MYO3B: variants seen among roughly 807,000 people sequenced by gnomAD.
MYO3B encodes the protein myosin-IIIb.
MYO3B carries 156 observed loss-of-function variants against 174.6 expected under a neutral mutation model. That is an observed-to-expected ratio of 0.89 (90% CI 0.78 to 1.02). The LOEUF is 1.02. Among genes scored for constraint, MYO3B ranks in the 50% least tolerant of loss-of-function variants. The pLI, the probability that MYO3B is intolerant of heterozygous loss-of-function variation, is 0.00. For missense variants in MYO3B, 1,632 were observed against 1,639.4 expected (o/e 1.00, Z 0.08); for synonymous variants, 563 against 569.1 (o/e 0.99, Z 0.15).
intron 25 of MYO3B, among the ~76,000 whole-genome samples, chr2:170,496,848 G>A (rs1028182791): frequency 7.9e-5 from 12 of 151,802 alleles, no homozygotes; most frequent in African/African-American, 2.9e-4. Flanking sequence ...GGCTGGTCTC[G>A]AACTCTTGGG....
chr2:170,495,153 CT>C (rs1233773516), intron 25 of MYO3B, among the ~76,000 whole-genome samples: 1 of 152,204 alleles, frequency 6.6e-6, no homozygotes, highest in Non-Finnish European at 1.5e-5. Flanking sequence ...TGTTGCATAT[CT>C]TTTGCTTAAC....
chr2:170,316,211 G>A (rs1017066091), intron 7 of MYO3B, among the ~76,000 whole-genome samples: 1 of 152,162 alleles, frequency 6.6e-6, no homozygotes, highest in Non-Finnish European at 1.5e-5. Flanking sequence ...TGAAGTATAT[G>A]TACATATGTG....
chr2:170,363,348 C>T (rs1439352322), intron 8 of MYO3B, among the ~76,000 whole-genome samples: 1 of 152,082 alleles, frequency 6.6e-6, no homozygotes, highest in African/African-American at 2.4e-5. Flanking sequence ...TGCTCTATAT[C>T]AAGTGTTTTA....
chr2:170,286,587 A>G (rs2093557893), intron 7 of MYO3B, among the ~76,000 whole-genome samples: 1 of 152,178 alleles, frequency 6.6e-6, no homozygotes, highest in Non-Finnish European at 1.5e-5. Flanking sequence ...ATTTAGGAAC[A>G]GTATGTCAAG....
chr2:170,462,659 G>A (rs1684365714), intron 23 of MYO3B, among the ~76,000 whole-genome samples: 1 of 152,240 alleles, frequency 6.6e-6, no homozygotes, highest in Non-Finnish European at 1.5e-5. Flanking sequence ...CCACGGCAAG[G>A]CCAGTGCTAA....
In MYO3B at chr2:170,466,486, T is replaced by G; in HGVS notation, c.2809-20T>G. The G allele has an allele frequency of 1.2e-6, 2 of 1,612,344 alleles. No homozygotes were observed. The highest frequency in any genetic ancestry group is 1.7e-4 in the Middle Eastern group (1 of 6,058). ...GTGTTGGTGGTAACCTTGTTCCTTG[T>G]GCATTTTTCTCCCTGGTAGTATTCT... On this transcript the variant is annotated intron_variant, in intron 24 of 34. Coordinates refer to ENST00000408978, the MANE Select transcript of MYO3B (RefSeq NM_138995.5).
chr2:170,333,410 A>G (rs900206350), intron 7 of MYO3B, among the ~76,000 whole-genome samples: 2 of 152,162 alleles, frequency 1.3e-5, no homozygotes, highest in African/African-American at 2.4e-5. Context: ...AGGGGGAAAA[A>G]AATTTAACTG....
chr2:170,290,455 C>T (rs13007475), intron 7 of MYO3B, among the ~76,000 whole-genome samples: 148,904 of 152,288 alleles, frequency 0.98, 72,883 homozygotes, highest in Middle Eastern at 1. Context: ...CTTTTTACAA[C>T]CTTAGATTTG....
intron 32 of MYO3B, among the ~76,000 whole-genome samples, chr2:170,626,493 G>C (rs1238067759): frequency 6.6e-6 from 1 of 152,166 alleles, no homozygotes; most frequent in East Asian, 1.9e-4. Context: ...GATGGGTCTT[G>C]ACTTTTCATC....
At chr2:170,647,324 C>T (rs975194210) in intron 32 of MYO3B, among the ~76,000 whole-genome samples, 4 of 152,120 alleles carry the variant, frequency 2.6e-5, no homozygotes, top group Admixed American at 1.3e-4. Flanking sequence ...TATTTCTCTT[C>T]GTATTTTCCA....
rs759271473 is a variant in MYO3B at position 170,236,079 on chromosome 2, A to T, written c.692A>T (p.Asp231Val). ...SLGITAIELG[D>V]GDPPLFDMHP... ...GGGATCACAGCTATTGAACTGGGGGATGGAGACCCTCCCCTCTTTGACATG... is the reference window on the plus strand; with the variant it reads ...GGGATCACAGCTATTGAACTGGGGGTTGGAGACCCTCCCCTCTTTGACATG... Residue 231 changes from aspartate (D) to valine (V), a missense_variant, in exon 7 of 35, where the codon GAT becomes GTT. Coordinates refer to ENST00000408978, the MANE Select transcript of MYO3B (RefSeq NM_138995.5). 5 of 1,613,880 alleles carry T rather than the reference A, an allele frequency of 3.1e-6. No homozygotes were observed. The highest frequency in any genetic ancestry group is 4.2e-6 in the Non-Finnish European group (5 of 1,180,008).
intron 32 of MYO3B, among the ~76,000 whole-genome samples, chr2:170,558,464 A>G (rs1330184895): frequency 6.6e-6 from 1 of 152,136 alleles, no homozygotes; most frequent in East Asian, 1.9e-4. Flanking sequence ...TGCATCCTAC[A>G]GGTAACCACC....
intron 25 of MYO3B, among the ~76,000 whole-genome samples, chr2:170,471,966 G>A (rs995646382): frequency 6.6e-6 from 1 of 151,112 alleles, no homozygotes; most frequent in African/African-American, 2.4e-5. Context: ...ACTCCAGCCT[G>A]GGCAACAAGA....
chr2:170,602,155 T>C (rs1694548794), intron 32 of MYO3B: 1 of 1,228,116 alleles, frequency 8.1e-7, no homozygotes, highest in Admixed American at 1.7e-5. Flanking sequence ...CTTACACTCC[T>C]CCCGACAAGT....
chr2:170,249,000 G>A (rs2093222531), intron 7 of MYO3B, among the ~76,000 whole-genome samples: 1 of 152,140 alleles, frequency 6.6e-6, no homozygotes, highest in Non-Finnish European at 1.5e-5. Context: ...CCTCTGACTT[G>A]TTGTTTCTCT....
chr2:170,366,915 G>A (rs1208043913), intron 8 of MYO3B, among the ~76,000 whole-genome samples: 2 of 152,126 alleles, frequency 1.3e-5, no homozygotes, highest in Non-Finnish European at 2.9e-5. Context: ...GGGTTTCCTA[G>A]TCTTTCTCAA....
chr2:170,594,114 C>A (rs1428994799), intron 32 of MYO3B, among the ~76,000 whole-genome samples: 1 of 152,046 alleles, frequency 6.6e-6, no homozygotes, highest in Non-Finnish European at 1.5e-5. Context: ...GGTATGTGAC[C>A]CAAGCTCATC....
At chr2:170,473,900 C>T (rs1417781581) in intron 25 of MYO3B, among the ~76,000 whole-genome samples, 9 of 152,168 alleles carry the variant, frequency 5.9e-5, no homozygotes, top group African/African-American at 9.7e-5. Context: ...ACACAGCCTA[C>T]GTACATTTTA....
At chr2:170,229,703 A>G (rs1205474205) in intron 6 of MYO3B, among the ~76,000 whole-genome samples, 2 of 152,238 alleles carry the variant, frequency 1.3e-5, no homozygotes, top group Non-Finnish European at 2.9e-5. Flanking sequence ...TATTAGAGAA[A>G]CTAGGTTTTC....
Sources: gnomAD v4.1 joint callset for allele counts (sites outside exome capture counted in the v4.1 genomes callset) on GRCh38, gnomAD v4.1.1 for gene constraint, MANE v1.5 for transcripts, NCBI Gene and HGNC (gene_info 2026-07-23, HGNC 2026-07-21) for gene names.